Variants in DAP observed in about 807,000 individuals in gnomAD.
The protein encoded by DAP is death-associated protein 1.
In DAP, 8 loss-of-function variants were observed where a neutral mutation model predicts 13.8. The ratio of observed to expected loss-of-function variants is 0.58; its 90% CI spans 0.34 to 1.05. DAP has a LOEUF of 1.05. Ranked by LOEUF, DAP falls within the 50% of genes least tolerant of loss-of-function variation. The probability of loss-of-function intolerance (pLI) is 0.03; values close to 1 mark genes in which losing one functional copy is unlikely to be tolerated. For synonymous variants in DAP, 47 were observed against 47.5 expected, an observed-to-expected ratio of 0.99 and a Z score of 0.04; for missense variants, 106 against 133.2, an observed-to-expected ratio of 0.80 and a Z score of 1.01.
At chr5:10,684,091 T>C (rs1327623468) in intron 2 of DAP, among the ~76,000 whole-genome samples, 2 of 152,246 alleles carry the variant, frequency 1.3e-5, no homozygotes, top group Non-Finnish European at 2.9e-5. Flanking sequence ...CCCAAAGTGC[T>C]GGGATTACAG....
chr5:10,760,125 G>A (rs1000517235), intron 1 of DAP, among the ~76,000 whole-genome samples: 1 of 152,162 alleles, frequency 6.6e-6, no homozygotes, highest in Non-Finnish European at 1.5e-5. Flanking sequence ...AAAGACTTCT[G>A]TTCCTACAAG....
chr5:10,720,759 C>G (rs534739623), intron 2 of DAP, among the ~76,000 whole-genome samples: 4 of 152,316 alleles, frequency 2.6e-5, no homozygotes, highest in African/African-American at 9.6e-5. Flanking sequence ...AGCCAGCTAC[C>G]TAGTGACTAG....
intron 1 of DAP, among the ~76,000 whole-genome samples, chr5:10,760,470 A>G (rs959627963): frequency 1.8e-4 from 27 of 151,462 alleles, no homozygotes; most frequent in African/African-American, 6.6e-4. Context: ...CAGAAAAAGC[A>G]ACTTTGGGGG....
Position 10,680,731 on chromosome 5 carries a change from A to G in DAP, c.*325T>C. On this transcript the variant is annotated 3_prime_UTR_variant, in exon 4 of 4. Coordinates refer to ENST00000230895, the MANE Select transcript of DAP (RefSeq NM_004394.3). ...CTCAAATGTGTGCCTTCTTGTTTTT[A>G]AGACCATAGACAAGGACGTCAGGTG... is the stretch of plus-strand genomic sequence containing the variant. The G allele has an allele frequency of 6.5e-7, 1 of 1,535,838 alleles. No individual in the cohort carries two copies. The highest frequency in any genetic ancestry group is 8.7e-7 in the Non-Finnish European group (1 of 1,146,640).
At chr5:10,682,354 CT>C (rs1461790276) in intron 3 of DAP, among the ~76,000 whole-genome samples, 4 of 150,742 alleles carry the variant, frequency 2.7e-5, no homozygotes, top group African/African-American at 7.3e-5. Flanking sequence ...TATGAGGAAG[CT>C]CCAGGCCAGC....
At chr5:10,703,274 G>A (rs918330818) in intron 2 of DAP, among the ~76,000 whole-genome samples, 1 of 152,186 alleles carries the variant, frequency 6.6e-6, no homozygotes, top group Non-Finnish European at 1.5e-5. Flanking sequence ...TGATGCTTAG[G>A]TTCCTAAACT....
Position 10,761,054 on chromosome 5 carries a change from G to A in DAP, c.15C>T (p.Pro5=). The change falls in exon 1 of 4, where the codon CCC becomes CCT. Residue 5 remains proline, a synonymous_variant. Transcript: ENST00000230895. ...CAGCTTTAGTCTCTAGTTTCCCTTCGGGAGGCGAAGACATGACGCGGCGGG... is the reference window on the plus strand; with the variant it reads ...CAGCTTTAGTCTCTAGTTTCCCTTCAGGAGGCGAAGACATGACGCGGCGGG... The part of the protein sequence containing the change: MSSP[P]EGKLETKAGH... The A allele has an allele frequency of 8.2e-7, 1 of 1,221,648 alleles. No individual in the cohort carries two copies. Among genetic ancestry groups the A allele is most frequent in the Non-Finnish European group, 1.0e-6 (1 of 970,074 alleles). 75.7% of individuals were successfully genotyped at this position (1,221,648 alleles called of 1,614,324 possible).
In DAP at chr5:10,728,278, GATGTGTTT is replaced by G. The variant is rs138558056; in HGVS notation, c.152+19889_152+19896del. Among the ~76,000 whole-genome samples the G allele has an allele frequency of 4.3e-3, 657 of 152,226 alleles. 1 individual carries two copies. Among genetic ancestry groups the G allele is most frequent in the Non-Finnish European group, 6.0e-3 (405 of 68,004 alleles). On this transcript the variant is annotated intron_variant, in intron 2 of 3. Coordinates refer to ENST00000230895, the MANE Select transcript of DAP (RefSeq NM_004394.3). Reference sequence around the variant, plus strand: ...CTTCTTTTGAATTCACTGGGAATTTGATGTGTTTATGACTGATTTATATGAACTTCCCA... The same window carrying G: ...CTTCTTTTGAATTCACTGGGAATTTGATGACTGATTTATATGAACTTCCCA...
chr5:10,727,190 T>TG (rs1351267974), intron 2 of DAP, among the ~76,000 whole-genome samples: 2 of 152,190 alleles, frequency 1.3e-5, no homozygotes, highest in Non-Finnish European at 2.9e-5. Context: ...ATAGGAACTG[T>TG]CTCTCAATGT....
intron 2 of DAP, among the ~76,000 whole-genome samples, chr5:10,740,072 G>A (rs897132270): frequency 1.3e-5 from 2 of 152,184 alleles, no homozygotes; most frequent in Non-Finnish European, 2.9e-5. Context: ...AAATATCTGT[G>A]AAAAGACAGG....
chr5:10,757,435 C>T (rs1250623549), intron 1 of DAP, among the ~76,000 whole-genome samples: 1 of 152,106 alleles, frequency 6.6e-6, no homozygotes, highest in African/African-American at 2.4e-5. Flanking sequence ...CCAGCACACC[C>T]GACTAATTTT....
intron 1 of DAP, among the ~76,000 whole-genome samples, chr5:10,758,501 G>C (rs1448407812): frequency 6.6e-6 from 1 of 152,182 alleles, no homozygotes; most frequent in Non-Finnish European, 1.5e-5. Context: ...ACAGATGACA[G>C]ATGGTGACAG....
rs186739188 is a variant in DAP at position 10,710,232 on chromosome 5, C to T, written c.153-26661G>A. On this transcript the variant is annotated intron_variant, in intron 2 of 3. Transcript: ENST00000230895. ...TGAGGGCCTGCTTTTGGCCAGGGGC[C>T]ATAAGGAAGCCTTCACAGCCTCAAT... Among the ~76,000 whole-genome samples the T allele has an allele frequency of 6.6e-4, 100 of 152,156 alleles. 1 individual carries two copies. Among genetic ancestry groups the T allele is most frequent in the Admixed American group, 5.1e-3 (78 of 15,306 alleles).
chr5:10,731,263 T>TG (rs1554001865), intron 2 of DAP, among the ~76,000 whole-genome samples: 2 of 102,846 alleles, frequency 1.9e-5, no homozygotes, highest in African/African-American at 3.7e-5. Flanking sequence ...AGAGCCCTGG[T>TG]GGGGGGAATC....
intron 2 of DAP, among the ~76,000 whole-genome samples, chr5:10,691,616 C>T (rs139668229): frequency 2.7e-4 from 41 of 152,342 alleles, no homozygotes; most frequent in African/African-American, 8.7e-4. Flanking sequence ...ATCATTCTGA[C>T]AGATGCTGTT....
rs1009882050 is a variant in DAP, at chr5:10,761,039, C to T, written c.30G>A (p.Glu10=). MSSPPEGKL[E]TKAGHPPAVK... ...CGGCGGGCGGGTGTCCAGCTTTAGT[C>T]TCTAGTTTCCCTTCGGGAGGCGAAG... The change falls in exon 1 of 4, where the codon GAG becomes GAA. Residue 10 remains glutamate (E), a synonymous_variant. Transcript: ENST00000230895. The T allele has an allele frequency of 1.6e-6, 2 of 1,214,424 alleles. No homozygotes were observed. The highest frequency in any genetic ancestry group is 3.4e-5 in the East Asian group (1 of 29,250). The allele number at this position is 1,214,424 out of a possible 1,614,324, so 75.2% of individuals were successfully genotyped here.
intron 2 of DAP, among the ~76,000 whole-genome samples, chr5:10,741,135 G>C (rs1739742518): frequency 6.6e-6 from 1 of 152,202 alleles, no homozygotes; most frequent in Non-Finnish European, 1.5e-5. Flanking sequence ...AGGATTGCTT[G>C]AGCTCAAGAG....
chr5:10,683,124 C>G, intron 3 of DAP: 1 of 251,692 alleles, frequency 4.0e-6, no homozygotes, highest in Non-Finnish European at 7.7e-6. Flanking sequence ...GCTGCGGTCA[C>G]AGCTCCACCA....
intron 2 of DAP, among the ~76,000 whole-genome samples, chr5:10,719,337 C>T (rs967602065): frequency 1.3e-5 from 2 of 152,208 alleles, no homozygotes; most frequent in Non-Finnish European, 1.5e-5. Context: ...ATGCAAGCTG[C>T]TCTGTCACTT....
Sources: allele counts gnomAD v4.1 joint callset (sites outside exome capture counted in the v4.1 genomes callset), GRCh38; gene constraint gnomAD v4.1.1; transcripts MANE v1.5; gene names NCBI Gene and HGNC (gene_info 2026-07-23, HGNC 2026-07-21).